The following ZFAT variants were observed in gnomAD, a reference collection of about 807,000 sequenced individuals.
The protein encoded by ZFAT is zinc finger and AT-hook domain containing.
A neutral mutation model predicts 117.7 loss-of-function variants in ZFAT; 64 were observed. The observed-to-expected ratio is 0.54, with a 90% CI of 0.44 to 0.67. The LOEUF (loss-of-function observed/expected upper bound fraction) is 0.67, where lower values mean the gene tolerates loss of function less well. ZFAT is among the 30% of genes least tolerant of loss of function. The pLI is 0.00. For missense variants in ZFAT, 1,433 were observed against 1,584.5 expected, an observed-to-expected ratio of 0.90 and a Z score of 1.62; for synonymous variants, 679 against 615.0, an observed-to-expected ratio of 1.10 and a Z score of -1.54.
intron 11 of ZFAT, among the ~76,000 whole-genome samples, chr8:134,553,070 CAAGG>C (rs1823300268): frequency 6.6e-6 from 1 of 152,206 alleles, no homozygotes; most frequent in African/African-American, 2.4e-5. Context: ...AAGGGCAGGG[CAAGG>C]CCCTTCTGCA....
At chr8:134,621,864 A>G (rs936111959) in intron 3 of ZFAT, among the ~76,000 whole-genome samples, 16 of 152,224 alleles carry the variant, frequency 1.1e-4, no homozygotes, top group African/African-American at 3.9e-4. Flanking sequence ...CGGCTTTAAC[A>G]AAAAGTCACT....
chr8:134,776,302 C>T, the ZFAT span, among the ~76,000 whole-genome samples: 4 of 152,116 alleles, frequency 2.6e-5, no homozygotes, highest in African/African-American at 9.7e-5. Flanking sequence ...CACCCCTCCA[C>T]CCTAAGCTTT....
chr8:134,724,183 G>A, the ZFAT span, among the ~76,000 whole-genome samples: 2 of 152,134 alleles, frequency 1.3e-5, no homozygotes, highest in Middle Eastern at 3.2e-3. Flanking sequence ...AGAAACTTTG[G>A]GACTGTGCAT....
At chr8:134,632,668 G>T (rs949185809) in intron 3 of ZFAT, among the ~76,000 whole-genome samples, 4 of 151,930 alleles carry the variant, frequency 2.6e-5, no homozygotes, top group East Asian at 3.9e-4. Flanking sequence ...TTGACAATAC[G>T]ATACAAACAG....
the ZFAT span, among the ~76,000 whole-genome samples, chr8:134,753,661 G>A: frequency 6.6e-6 from 1 of 152,180 alleles, no homozygotes; most frequent in Non-Finnish European, 1.5e-5. Context: ...ATAAATGCTT[G>A]TTGAGTATAA....
chr8:134,813,897 G>C, the ZFAT span, among the ~76,000 whole-genome samples: 1 of 151,690 alleles, frequency 6.6e-6, no homozygotes, highest in Non-Finnish European at 1.5e-5. Context: ...TTTAAACAAA[G>C]GGAGGCTCAA....
intron 1 of ZFAT, among the ~76,000 whole-genome samples, chr8:134,702,930 C>G (rs946410357): frequency 2.0e-5 from 3 of 152,222 alleles, no homozygotes; most frequent in Admixed American, 2.0e-4. Flanking sequence ...CTCGGCCTCC[C>G]AAAGTGCTGG....
intron 5 of ZFAT, 36 bp from the exon 6 acceptor site, chr8:134,602,969 C>A (rs376079292): frequency 1.3e-6 from 2 of 1,565,056 alleles, no homozygotes; most frequent in African/African-American, 2.7e-5. Flanking sequence ...CATCTGGAGA[C>A]CTTGAATGTT....
intron 12 of ZFAT, 56 bp from the exon 13 acceptor site, chr8:134,521,057 AAC>A: frequency 4.6e-6 from 6 of 1,293,428 alleles, no homozygotes; most frequent in Non-Finnish European, 6.6e-6. Context: ...AGAAAAATGC[AAC>A]AGTTCCTCCT....
Position 134,512,039 on chromosome 8 carries a change from G to A in ZFAT, c.3361+436C>T, listed in dbSNP as rs72719710. On this transcript the variant is annotated intron_variant, in intron 14 of 15. Transcript: ENST00000377838. ...GAAGCATGGAATGGGATGATGCCGT[G>A]ACAAGAAGTTAGGAGACCCAGATTC... Among the ~76,000 whole-genome samples, 187 of 152,268 alleles carry A rather than the reference G, an allele frequency of 1.2e-3. 1 individual carries two copies. The highest frequency in any genetic ancestry group is 1.8e-3 in the Non-Finnish European group (120 of 68,008).
At chr8:134,732,903 T>C in the ZFAT span, among the ~76,000 whole-genome samples, 1 of 152,172 alleles carries the variant, frequency 6.6e-6, no homozygotes, top group African/African-American at 2.4e-5. Flanking sequence ...CATGTCAGTA[T>C]ACCCCGTCAC....
chr8:134,551,280 T>C (rs951788924), intron 11 of ZFAT, among the ~76,000 whole-genome samples: 5 of 152,208 alleles, frequency 3.3e-5, no homozygotes, highest in East Asian at 1.9e-4. Context: ...ATTACTAAAA[T>C]AGACTGTGGG....
At chr8:134,688,084 T>C (rs905596858) in intron 1 of ZFAT, among the ~76,000 whole-genome samples, 13 of 152,048 alleles carry the variant, frequency 8.5e-5, no homozygotes, top group African/African-American at 2.9e-4. Context: ...CCTGGTAAGA[T>C]TGATGGGCGG....
chr8:134,781,650 G>C, the ZFAT span, among the ~76,000 whole-genome samples: 76 of 152,164 alleles, frequency 5.0e-4, no homozygotes, highest in African/African-American at 1.8e-3. Context: ...CTTATATGTG[G>C]ATTTTGGAAA....
At chr8:134,503,127 G>C (rs1563781896) in intron 15 of ZFAT, among the ~76,000 whole-genome samples, 3 of 152,312 alleles carry the variant, frequency 2.0e-5, no homozygotes, top group East Asian at 3.9e-4. Context: ...TACTCCCATG[G>C]GGGCAGTGGC....
intron 1 of ZFAT, among the ~76,000 whole-genome samples, chr8:134,692,433 T>C (rs373085517): frequency 6.6e-6 from 1 of 152,172 alleles, no homozygotes; most frequent in African/African-American, 2.4e-5. Flanking sequence ...ATGGGGCAAG[T>C]CCCTTCAGGG....
chr8:134,731,756 T>C, the ZFAT span, among the ~76,000 whole-genome samples: 4 of 152,186 alleles, frequency 2.6e-5, no homozygotes, highest in East Asian at 7.7e-4. Context: ...TGTGTGTCTA[T>C]GATTCAGCGG....
At chr8:134,566,231 A>G (rs550580861) in intron 10 of ZFAT, among the ~76,000 whole-genome samples, 25 of 152,170 alleles carry the variant, frequency 1.6e-4, no homozygotes, top group Non-Finnish European at 2.8e-4. Flanking sequence ...TGTCTCTACT[A>G]AAAACACAAA....
intron 11 of ZFAT, among the ~76,000 whole-genome samples, chr8:134,557,824 T>C (rs1823762716): frequency 6.6e-6 from 1 of 152,248 alleles, no homozygotes; most frequent in Non-Finnish European, 1.5e-5. Context: ...TGTCACCCTG[T>C]TACACACAGG....
Sources: gnomAD v4.1 joint callset for allele counts (sites outside exome capture counted in the v4.1 genomes callset) on GRCh38, gnomAD v4.1.1 for gene constraint, MANE v1.5 for transcripts, NCBI Gene and HGNC (gene_info 2026-07-23, HGNC 2026-07-21) for gene names.